Variants in COL5A2 observed in about 807,000 individuals in gnomAD.
COL5A2 encodes collagen alpha-2(V) chain.
COL5A2 carries 23 observed loss-of-function variants against 208.2 expected under a neutral mutation model. The observed-to-expected ratio is 0.11, with a 90% CI of 0.08 to 0.16. The LOEUF is 0.16. Among genes scored for constraint, COL5A2 ranks in the 10% least tolerant of loss-of-function variants. The pLI, the probability that COL5A2 is intolerant of heterozygous loss-of-function variation, is 1.00. For synonymous variants in COL5A2, 625 were observed against 628.5 expected (o/e 0.99, Z 0.08); for missense variants, 1,590 against 1,956.4 (o/e 0.81, Z 3.53).
At chr2:189,172,142 A>C (rs1210854419) in intron 1 of COL5A2, among the ~76,000 whole-genome samples, 1 of 152,216 alleles carries the variant, frequency 6.6e-6, no homozygotes, top group Non-Finnish European at 1.5e-5. Context: ...TGCTCCTTTT[A>C]AAGCAGCTGG....
At chr2:189,103,906 A>G (rs1410078413) in intron 3 of COL5A2, among the ~76,000 whole-genome samples, 2 of 151,620 alleles carry the variant, frequency 1.3e-5, no homozygotes, top group Admixed American at 6.6e-5. Context: ...CCTTCCTCCT[A>G]TCTTTTCTTT....
chr2:189,203,380 G>A (rs2105859474), intron 1 of COL5A2, among the ~76,000 whole-genome samples: 1 of 152,286 alleles, frequency 6.6e-6, no homozygotes, highest in Non-Finnish European at 1.5e-5. Context: ...ACCAGTATTT[G>A]CTTTGGCAGA....
rs766349082 is a variant in COL5A2, at chr2:189,078,565, G to A, written c.1010C>T (p.Pro337Leu). 21 of 1,612,188 alleles carry A rather than the reference G, an allele frequency of 1.3e-5. No individual in the cohort carries two copies. Among genetic ancestry groups the A allele is most frequent in the Admixed American group, 3.3e-5 (2 of 59,956 alleles). ...CCCTCTCTCTCCTGGCATTCCCCTCGGACCCTATAGACGATAGAGAAGAAA... is the reference window on the plus strand; with the variant it reads ...CCCTCTCTCTCCTGGCATTCCCCTCAGACCCTATAGACGATAGAGAAGAAA... ...GPMGAMGPLG[P>L]RGMPGERGRL... The change falls in exon 16 of 54, where the codon CCG becomes CTG. Residue 337 changes from proline (P) to leucine (L), a missense_variant. Pro to Leu is a moderately conservative substitution (Grantham distance 98, BLOSUM62 -3). Coordinates refer to ENST00000374866, the MANE Select transcript of COL5A2 (RefSeq NM_000393.5).
At chr2:189,419,443 A>T in the COL5A2 span, among the ~76,000 whole-genome samples, 2 of 152,180 alleles carry the variant, frequency 1.3e-5, no homozygotes, top group African/African-American at 4.8e-5. Context: ...TAGAACCACA[A>T]CAACTGCCTG....
At chr2:189,155,832 A>G (rs780629673) in intron 1 of COL5A2, among the ~76,000 whole-genome samples, 2 of 152,176 alleles carry the variant, frequency 1.3e-5, no homozygotes, top group Non-Finnish European at 2.9e-5. Flanking sequence ...GCTAACATCA[A>G]GATATTGACA....
At chr2:189,118,701 G>A (rs1423975534) in intron 1 of COL5A2, among the ~76,000 whole-genome samples, 1 of 152,104 alleles carries the variant, frequency 6.6e-6, no homozygotes, top group South Asian at 2.1e-4. Context: ...CTGGAGGCAT[G>A]GGTGAAAGGA....
chr2:189,408,788 C>G, the COL5A2 span, among the ~76,000 whole-genome samples: 2 of 152,104 alleles, frequency 1.3e-5, no homozygotes, highest in Admixed American at 1.3e-4. Flanking sequence ...GATCAATTAA[C>G]CACATTATAC....
intron 24 of COL5A2, 30 bp from the exon 25 acceptor site, chr2:189,064,685 A>T (rs377201401): frequency 6.9e-7 from 1 of 1,445,472 alleles, no homozygotes; most frequent in Non-Finnish European, 9.7e-7. Context: ...ATGCATGAAG[A>T]AAAAGAGTAT....
chr2:189,313,653 G>A, the COL5A2 span, among the ~76,000 whole-genome samples: 5 of 152,070 alleles, frequency 3.3e-5, no homozygotes, highest in African/African-American at 1.2e-4. Flanking sequence ...GTGACAAGCT[G>A]GATAAAGAAC....
At chr2:189,406,466 A>G in the COL5A2 span, among the ~76,000 whole-genome samples, 1 of 152,000 alleles carries the variant, frequency 6.6e-6, no homozygotes, top group Non-Finnish European at 1.5e-5. Flanking sequence ...GTTTTAGTGT[A>G]TTTTTCCTGC....
chr2:189,318,883 C>T, the COL5A2 span, among the ~76,000 whole-genome samples: 3 of 152,008 alleles, frequency 2.0e-5, no homozygotes, highest in African/African-American at 7.3e-5. Flanking sequence ...AAACCTCTGC[C>T]AGAGTCAAAC....
At chr2:189,067,927 G>C in intron 21 of COL5A2, 88 bp downstream of exon 21, 1 of 1,089,876 alleles carries the variant, frequency 9.2e-7, no homozygotes, top group South Asian at 1.3e-5. Context: ...CGTTATCTAT[G>C]TTTCATTGCA....
the COL5A2 span, among the ~76,000 whole-genome samples, chr2:189,353,406 T>C: frequency 6.6e-6 from 1 of 152,242 alleles, no homozygotes; most frequent in African/African-American, 2.4e-5. Flanking sequence ...ACAATATTGA[T>C]TCTTCCTATC....
At chr2:189,050,202 A>G (rs555793105) in intron 43 of COL5A2, among the ~76,000 whole-genome samples, 1 of 152,154 alleles carries the variant, frequency 6.6e-6, no homozygotes, top group Non-Finnish European at 1.5e-5. Flanking sequence ...GGTTTACTGT[A>G]AAATATGGTA....
chr2:189,405,739 A>C, the COL5A2 span, among the ~76,000 whole-genome samples: 1 of 152,244 alleles, frequency 6.6e-6, no homozygotes, highest in African/African-American at 2.4e-5. Flanking sequence ...TGTCATGCTC[A>C]CAGTGGAAAA....
chr2:189,132,685 C>A (rs1687739313), intron 1 of COL5A2, among the ~76,000 whole-genome samples: 1 of 152,106 alleles, frequency 6.6e-6, no homozygotes, highest in Admixed American at 6.5e-5. Context: ...CTTTGGAAAG[C>A]CGAGGTGGGT....
intron 51 of COL5A2, among the ~76,000 whole-genome samples, chr2:189,038,748 G>A (rs1445966889): frequency 6.6e-6 from 1 of 152,068 alleles, no homozygotes; most frequent in Non-Finnish European, 1.5e-5. Context: ...CCCAGGCAGT[G>A]GCGCGATCTC....
chr2:189,379,772 T>C, the COL5A2 span, among the ~76,000 whole-genome samples: 2 of 152,238 alleles, frequency 1.3e-5, no homozygotes, highest in African/African-American at 2.4e-5. Flanking sequence ...TCGTGGTCTT[T>C]CTAGCACACA....
At chr2:189,359,093 T>G in the COL5A2 span, among the ~76,000 whole-genome samples, 1 of 152,174 alleles carries the variant, frequency 6.6e-6, no homozygotes, top group Non-Finnish European at 1.5e-5. Context: ...TTGCTAGAAA[T>G]TCTATTATTA....
Sources: gnomAD v4.1 joint callset for allele counts (sites outside exome capture counted in the v4.1 genomes callset) on GRCh38, gnomAD v4.1.1 for gene constraint, MANE v1.5 for transcripts, NCBI Gene and HGNC (gene_info 2026-07-23, HGNC 2026-07-21) for gene names.